The following PTPRD variants were observed in gnomAD, a reference collection of about 807,000 sequenced individuals.
PTPRD encodes the protein protein tyrosine phosphatase receptor type D.
A neutral mutation model predicts 214.5 loss-of-function variants in PTPRD; 34 were observed. The ratio of observed to expected loss-of-function variants is 0.16; its 90% CI spans 0.12 to 0.21. PTPRD has a LOEUF of 0.21. Among genes scored for constraint, PTPRD ranks in the 10% least tolerant of loss-of-function variants. PTPRD has a pLI of 1.00. For synonymous variants in PTPRD, 1,128 were observed against 845.7 expected, an observed-to-expected ratio of 1.33 and a Z score of -5.79; for missense variants, 2,545 against 2,398.7, an observed-to-expected ratio of 1.06 and a Z score of -1.27.
intron 39 of PTPRD, among the ~76,000 whole-genome samples, chr9:8,351,216 C>T (rs1452369508): frequency 6.6e-6 from 1 of 152,086 alleles, no homozygotes; most frequent in Admixed American, 6.6e-5. Flanking sequence ...TATTGCAGAA[C>T]AATATATATA....
chr9:9,110,661 C>A (rs1050861395), intron 10 of PTPRD, among the ~76,000 whole-genome samples: 2 of 152,038 alleles, frequency 1.3e-5, no homozygotes, highest in Admixed American at 6.6e-5. Context: ...ATCAAATCAC[C>A]AAATAGCTCT....
chr9:9,254,480 A>T (rs1003895099), intron 9 of PTPRD, among the ~76,000 whole-genome samples: 2 of 152,066 alleles, frequency 1.3e-5, no homozygotes, highest in Admixed American at 6.6e-5. Flanking sequence ...TTTACAATTA[A>T]TGGTAATATT....
At chr9:10,529,651 G>A (rs577785300) in intron 2 of PTPRD, among the ~76,000 whole-genome samples, 8 of 151,516 alleles carry the variant, frequency 5.3e-5, no homozygotes, top group Non-Finnish European at 1.2e-4. Flanking sequence ...AAACCACCAT[G>A]GCACATATAT....
At chr9:8,622,066 G>C (rs543276128) in intron 14 of PTPRD, among the ~76,000 whole-genome samples, 3 of 151,674 alleles carry the variant, frequency 2.0e-5, no homozygotes, top group African/African-American at 4.8e-5. Flanking sequence ...AAATCATTTT[G>C]TATTTAGGTA....
At chr9:10,290,572 T>G (rs757534067) in intron 3 of PTPRD, among the ~76,000 whole-genome samples, 1 of 152,150 alleles carries the variant, frequency 6.6e-6, no homozygotes, top group Non-Finnish European at 1.5e-5. Flanking sequence ...AATATATGCA[T>G]AGAGTAAGAA....
intron 7 of PTPRD, among the ~76,000 whole-genome samples, chr9:9,632,595 A>T (rs950683707): frequency 1.3e-5 from 2 of 149,594 alleles, no homozygotes; most frequent in African/African-American, 5.0e-5. Flanking sequence ...TTTTTAAAGT[A>T]AAACAAAAGA....
rs779300963 is a variant in PTPRD at position 8,317,913 on chromosome 9, T to G, written c.5700A>C (p.Ala1900=). 4 of 1,612,064 alleles carry G rather than the reference T, an allele frequency of 2.5e-6. No individual in the cohort carries two copies. Among genetic ancestry groups the G allele is most frequent in the Admixed American group, 1.7e-5 (1 of 59,858 alleles). Residue 1900 remains alanine, a synonymous_variant, in exon 46 of 46, where the codon GCA becomes GCC. Transcript: ENST00000381196. ...GGTCAAAGCTGCCCAGGTACTCTAG[T>G]GCGGCACGATAGGAAAACTGATATT... The part of the protein sequence containing the change: ...EDQYQFSYRA[A]LEYLGSFDHY...
At chr9:8,736,533 T>G (rs955029730) in intron 11 of PTPRD, among the ~76,000 whole-genome samples, 49 of 152,160 alleles carry the variant, frequency 3.2e-4, no homozygotes, top group African/African-American at 1.2e-3. Flanking sequence ...TAAAAAGAAT[T>G]ATAATGCAGA....
intron 7 of PTPRD, among the ~76,000 whole-genome samples, chr9:9,700,436 C>T (rs1327609634): frequency 2.6e-5 from 4 of 152,014 alleles, no homozygotes; most frequent in Non-Finnish European, 5.9e-5. Flanking sequence ...CACAGTATTT[C>T]TAGAGTTGAG....
Position 8,607,503 on chromosome 9 carries a change from C to T in PTPRD, c.352+25814G>A, listed in dbSNP as rs1042440385. 5.3e-5 allele frequency among the ~76,000 whole-genome samples: 8 copies of T among 151,994 alleles called. No individual in the cohort carries two copies. In the South Asian group the frequency reaches 1.7e-3, roughly 32 times the overall value. On this transcript the variant is annotated intron_variant, in intron 14 of 45. Coordinates refer to ENST00000381196, the MANE Select transcript of PTPRD (RefSeq NM_002839.4). Reference sequence around the variant, plus strand: ...ACAAAAAATACAAAAATTAGCTGATCGTGGTGACACGCGCCTGTAATACCA... The same window carrying T: ...ACAAAAAATACAAAAATTAGCTGATTGTGGTGACACGCGCCTGTAATACCA...
intron 10 of PTPRD, among the ~76,000 whole-genome samples, chr9:9,055,189 A>C (rs886374314): frequency 2.0e-5 from 3 of 152,180 alleles, no homozygotes; most frequent in African/African-American, 7.2e-5. Flanking sequence ...AACATGTATA[A>C]AGGTATTCAT....
At chr9:9,623,535 T>G (rs1015982899) in intron 7 of PTPRD, among the ~76,000 whole-genome samples, 14 of 152,176 alleles carry the variant, frequency 9.2e-5, no homozygotes, top group Admixed American at 5.9e-4. Flanking sequence ...GTACCTCATA[T>G]TACCCCCTTT....
At chr9:8,374,310 C>A (rs1252629377) in intron 39 of PTPRD, among the ~76,000 whole-genome samples, 1 of 151,772 alleles carries the variant, frequency 6.6e-6, no homozygotes, top group East Asian at 1.9e-4. Context: ...AGCAGAGGCA[C>A]CATATAATCA....
intron 14 of PTPRD, among the ~76,000 whole-genome samples, chr9:8,579,815 G>T (rs1231779826): frequency 6.6e-6 from 1 of 152,208 alleles, no homozygotes; most frequent in African/African-American, 2.4e-5. Context: ...AAGGAATGTA[G>T]TATGTTAGAT....
intron 2 of PTPRD, among the ~76,000 whole-genome samples, chr9:10,423,451 T>G (rs902918728): frequency 6.6e-6 from 1 of 151,990 alleles, no homozygotes; most frequent in African/African-American, 2.4e-5. Context: ...ACTTAAAATA[T>G]AATTTAAAAA....
intron 5 of PTPRD, among the ~76,000 whole-genome samples, chr9:9,832,096 A>G (rs2055052641): frequency 6.6e-6 from 1 of 152,036 alleles, no homozygotes; most frequent in Non-Finnish European, 1.5e-5. Context: ...TATAAGGGTA[A>G]TAACTTGCCT....
At chr9:10,308,734 A>G (rs2096171705) in intron 3 of PTPRD, among the ~76,000 whole-genome samples, 1 of 151,882 alleles carries the variant, frequency 6.6e-6, no homozygotes, top group Non-Finnish European at 1.5e-5. Flanking sequence ...AATTTCTTTG[A>G]TTACTGGTAT....
intron 7 of PTPRD, among the ~76,000 whole-genome samples, chr9:9,681,256 G>A (rs949866400): frequency 9.2e-5 from 14 of 151,762 alleles, no homozygotes; most frequent in East Asian, 3.9e-4. Context: ...TGTAGGGTGC[G>A]GAGCCCTGTT....
chr9:10,214,429 A>ATTTTT (rs35115543), intron 3 of PTPRD, among the ~76,000 whole-genome samples: 1 of 120,752 alleles, frequency 8.3e-6, no homozygotes, highest in African/African-American at 3.1e-5. Flanking sequence ...AAGCCCAACT[A>ATTTTT]TTTTTTTTTT....
Sources: allele counts gnomAD v4.1 joint callset (sites outside exome capture counted in the v4.1 genomes callset), GRCh38; gene constraint gnomAD v4.1.1; transcripts MANE v1.5; gene names NCBI Gene and HGNC (gene_info 2026-07-23, HGNC 2026-07-21).